FAHD2A: variants seen among roughly 807,000 people sequenced by gnomAD.
FAHD2A encodes the protein fumarylacetoacetate hydrolase domain containing 2A.
A neutral mutation model predicts 33.4 loss-of-function variants in FAHD2A; 27 were observed. That is an observed-to-expected ratio of 0.81 (90% CI 0.60 to 1.11). FAHD2A has a LOEUF of 1.11. Among genes scored for constraint, FAHD2A ranks in the 50% most tolerant of loss-of-function variants. FAHD2A has a pLI of 0.00. For synonymous variants in FAHD2A, 130 were observed against 153.3 expected (o/e 0.85, Z 1.12); for missense variants, 296 against 395.0 (o/e 0.75, Z 2.12).
At chr2:95,408,035 ATTTTTTTTTTTTT>A (rs11377714) in intron 3 of FAHD2A, among the ~76,000 whole-genome samples, 8 of 94,694 alleles carry the variant, frequency 8.4e-5, no homozygotes, top group East Asian at 6.3e-4. Context: ...GCAAACACAC[ATTTTTTTTTTTTT>A]TTTTTTTTTT....
rs2104383885 is a variant in FAHD2A at position 95,414,161 on chromosome 2, G to C, written c.*1204G>C. 1.3e-6 allele frequency: 2 copies of C among 1,565,496 alleles called. No homozygotes were observed. The highest frequency in any genetic ancestry group is 1.2e-5 in the South Asian group (1 of 85,560). On this transcript the variant is annotated 3_prime_UTR_variant, in exon 8 of 8. Transcript: ENST00000233379. ...CTACTCTGCAGCCCGCCTTCCTAGAGTTGGGTTGTCACTGTCCGGCAGGGG... is the reference window on the plus strand; with the variant it reads ...CTACTCTGCAGCCCGCCTTCCTAGACTTGGGTTGTCACTGTCCGGCAGGGG...
chr2:95,405,591 A>T lies in FAHD2A; in HGVS notation c.33A>T (p.Thr11=). 6.2e-7 allele frequency: 1 copy of T among 1,613,778 alleles called. No homozygotes were observed. Among genetic ancestry groups the T allele is most frequent in the East Asian group, 2.2e-5 (1 of 44,850 alleles). MLVSGRRRLL[T]VLLQAQKWPF... is the part of the protein sequence containing the mutation. Reference sequence around the variant, plus strand: ...TGTCTGGTAGAAGAAGGTTACTCACAGTTCTGCTGCAGGCTCAGAAGTGGC... The same window carrying T: ...TGTCTGGTAGAAGAAGGTTACTCACTGTTCTGCTGCAGGCTCAGAAGTGGC... The change falls in exon 2 of 8, where the codon ACA becomes ACT. Residue 11 remains threonine (T), a synonymous_variant. Coordinates refer to ENST00000233379, the MANE Select transcript of FAHD2A (RefSeq NM_016044.3).
rs1463742216 is a variant in FAHD2A, at chr2:95,403,484, G to T, written c.-7+612G>T. Among the ~76,000 whole-genome samples, 5 of 152,130 alleles carry T rather than the reference G, an allele frequency of 3.3e-5. No individual in the cohort carries two copies. The South Asian group carries it at 1.0e-3, about 32-fold the overall frequency. On this transcript the variant is annotated intron_variant, in intron 1 of 7. Transcript: ENST00000233379. Reference sequence around the variant, plus strand: ...CCCACGCATGTCTGTTAGCAGTTACGGCCTCTGGAGGATCTCCTGTGGGAG... The same window carrying T: ...CCCACGCATGTCTGTTAGCAGTTACTGCCTCTGGAGGATCTCCTGTGGGAG...
chr2:95,419,675 A>G (rs1255523874), downstream of FAHD2A, among the ~76,000 whole-genome samples: 3 of 152,084 alleles, frequency 2.0e-5, no homozygotes, highest in Non-Finnish European at 4.4e-5. Context: ...GCAACTTCAC[A>G]CCAAGCTGCA....
In FAHD2A at chr2:95,415,738, C is replaced by T. The variant is rs1442535169; in HGVS notation, c.*2781C>T. 9.2e-5 allele frequency: 14 copies of T among 152,654 alleles called. No homozygotes were observed. Among genetic ancestry groups the T allele is most frequent in the Non-Finnish European group, 1.3e-4 (9 of 68,058 alleles). 9.5% of individuals were successfully genotyped at this position (152,654 alleles called of 1,614,324 possible). A position where few individuals can be genotyped will look rare whatever the true frequency, so the allele number is the denominator to read the frequency against. On this transcript the variant is annotated 3_prime_UTR_variant, in exon 8 of 8. Coordinates refer to ENST00000233379, the MANE Select transcript of FAHD2A (RefSeq NM_016044.3). ...GAGCTGCGAGCTTACCTCAACTCAT[C>T]TCACCTCACCATGCCGGCTGCGAGG...
Position 95,405,498 on chromosome 2 carries a change from C to G in FAHD2A, c.-6-55C>G, listed in dbSNP as rs1193190135. 3.2e-6 allele frequency: 5 copies of G among 1,554,862 alleles called. No individual in the cohort carries two copies. The South Asian group carries it at 3.7e-5, about 12-fold the overall frequency. On this transcript the variant is annotated intron_variant, in intron 1 of 7. Coordinates refer to ENST00000233379, the MANE Select transcript of FAHD2A (RefSeq NM_016044.3). ...CTATAGCCCTAGGAATTTCAGGGAACCTGATGATGGCTCTGGGATCCTCTG... is the reference window on the plus strand; with the variant it reads ...CTATAGCCCTAGGAATTTCAGGGAAGCTGATGATGGCTCTGGGATCCTCTG...
chr2:95,404,907 C>T (rs1681283231), intron 1 of FAHD2A, among the ~76,000 whole-genome samples: 4 of 152,202 alleles, frequency 2.6e-5, no homozygotes, highest in Admixed American at 1.3e-4. Context: ...GGGGGCGCTG[C>T]TCCTAGAAGA....
At chr2:95,418,436 A>G (rs1471783226), downstream of FAHD2A, among the ~76,000 whole-genome samples, 1 of 151,998 alleles carries the variant, frequency 6.6e-6, no homozygotes, top group African/African-American at 2.4e-5. Context: ...AGGCCAGAGA[A>G]TAGTGTATTG....
intron 3 of FAHD2A, 21 bp downstream of exon 3, chr2:95,407,178 C>T: frequency 6.2e-7 from 1 of 1,611,916 alleles, no homozygotes; most frequent in Non-Finnish European, 8.5e-7. Flanking sequence ...CCCCACTGCC[C>T]TCCCTAGTCA....
At chr2:95,403,185 T>C (rs1680997534) in intron 1 of FAHD2A, among the ~76,000 whole-genome samples, 1 of 152,174 alleles carries the variant, frequency 6.6e-6, no homozygotes, top group Admixed American at 6.5e-5. Flanking sequence ...CAGAGTTGGA[T>C]TGAGCTCGGG....
At position 95,412,346 on chromosome 2, in the gene FAHD2A, C is replaced by T. The variant is rs533916884; in HGVS notation, c.686-88C>T. ...TGAAGCCCTTTCACCTGCCAAGTCA[C>T]GAAGCACCCCTACAGTTGTGTTTGT... On this transcript the variant is annotated intron_variant, in intron 5 of 7. Coordinates refer to ENST00000233379, the MANE Select transcript of FAHD2A (RefSeq NM_016044.3). The T allele has an allele frequency of 2.5e-5, 38 of 1,518,334 alleles. No individual in the cohort carries two copies. In the South Asian group the frequency reaches 3.0e-4, roughly 12 times the overall value. The allele number at this position is 1,518,334 out of a possible 1,614,324, so 94.1% of individuals were successfully genotyped here.
chr2:95,406,860 C>G (rs969347040), intron 2 of FAHD2A, 81 bp from the exon 3 acceptor site: 1 of 1,476,542 alleles, frequency 6.8e-7, no homozygotes, highest in African/African-American at 1.4e-5. Context: ...AAACCTGTAG[C>G]TGCTGCAGGA....
intron 3 of FAHD2A, among the ~76,000 whole-genome samples, chr2:95,409,914 G>A (rs1682198349): frequency 6.6e-6 from 1 of 152,200 alleles, no homozygotes; most frequent in African/African-American, 2.4e-5. Flanking sequence ...GGAACCCAGT[G>A]CTCCTTAGTG....
intron 1 of FAHD2A, among the ~76,000 whole-genome samples, chr2:95,404,403 C>G (rs1681198812): frequency 6.6e-6 from 1 of 152,020 alleles, no homozygotes. Flanking sequence ...AAGCGATTCT[C>G]GTGTCTCAGC....
chr2:95,417,168 C>T (rs1573597047), downstream of FAHD2A, among the ~76,000 whole-genome samples: 2 of 152,334 alleles, frequency 1.3e-5, no homozygotes, highest in African/African-American at 4.8e-5. Context: ...TAGGGATGTT[C>T]CTTAATGTCT....
chr2:95,419,662 G>T (rs1420278917), downstream of FAHD2A, among the ~76,000 whole-genome samples: 1 of 152,052 alleles, frequency 6.6e-6, no homozygotes, highest in African/African-American at 2.4e-5. Context: ...TGCTATCCTA[G>T]TGGCAACTTC....
downstream of FAHD2A, among the ~76,000 whole-genome samples, chr2:95,417,276 A>G (rs540847578): frequency 7.2e-5 from 11 of 152,340 alleles, no homozygotes; most frequent in East Asian, 1.9e-4. Context: ...TTAGGATGCT[A>G]TCTGGCTAGG....
At chr2:95,420,224 T>C (rs547767357), downstream of FAHD2A, among the ~76,000 whole-genome samples, 6 of 152,226 alleles carry the variant, frequency 3.9e-5, no homozygotes, top group Admixed American at 2.6e-4. Flanking sequence ...AAATAATGTT[T>C]AGCCAGACAC....
downstream of FAHD2A, among the ~76,000 whole-genome samples, chr2:95,420,254 A>G (rs1029560965): frequency 2.0e-5 from 3 of 152,240 alleles, no homozygotes; most frequent in African/African-American, 2.4e-5. Context: ...CCATGGTCTA[A>G]TCAAGTTGAT....
Sources: gnomAD v4.1 joint callset for allele counts (sites outside exome capture counted in the v4.1 genomes callset) on GRCh38, gnomAD v4.1.1 for gene constraint, MANE v1.5 for transcripts, NCBI Gene and HGNC (gene_info 2026-07-23, HGNC 2026-07-21) for gene names.